KIF16B: variants seen among roughly 807,000 people sequenced by gnomAD.
KIF16B encodes kinesin-like protein KIF16B.
KIF16B carries 98 observed loss-of-function variants against 156.3 expected under a neutral mutation model. The ratio of observed to expected loss-of-function variants is 0.63; its 90% confidence interval spans 0.53 to 0.74. The LOEUF (loss-of-function observed/expected upper bound fraction) is 0.74. Among genes scored for constraint, KIF16B ranks in the 30% least tolerant of loss-of-function variants. The pLI, the probability that KIF16B is intolerant of heterozygous loss-of-function variation, is 0.00. For missense variants in KIF16B, 1,421 were observed against 1,606.5 expected (o/e 0.88, Z 1.97); for synonymous variants, 564 against 583.7 (o/e 0.97, Z 0.49).
At chr20:16,539,145 A>T (rs2070096333) in intron 1 of KIF16B, among the ~76,000 whole-genome samples, 1 of 152,122 alleles carries the variant, frequency 6.6e-6, no homozygotes, top group African/African-American at 2.4e-5. Context: ...ATTGGTACCA[A>T]GCAGTAGGGC....
intron 25 of KIF16B, among the ~76,000 whole-genome samples, chr20:16,288,805 T>A (rs1333994037): frequency 6.6e-6 from 1 of 151,890 alleles, no homozygotes; most frequent in Non-Finnish European, 1.5e-5. Flanking sequence ...GTAAACACAG[T>A]ATGTACTGGT....
At chr20:16,392,908 T>G (rs1233098297) in intron 17 of KIF16B, among the ~76,000 whole-genome samples, 1 of 152,098 alleles carries the variant, frequency 6.6e-6, no homozygotes, top group African/African-American at 2.4e-5. Context: ...AAGATTTATA[T>G]AAAGATTAAT....
At chr20:16,389,086 G>A (rs1345274600) in intron 17 of KIF16B, among the ~76,000 whole-genome samples, 1 of 152,124 alleles carries the variant, frequency 6.6e-6, no homozygotes, top group Non-Finnish European at 1.5e-5. Context: ...TCCTGGCATG[G>A]ATATTACTCT....
chr20:16,300,846 C>T (rs2063461513), intron 25 of KIF16B, among the ~76,000 whole-genome samples: 1 of 152,132 alleles, frequency 6.6e-6, no homozygotes. Flanking sequence ...ATCATTATCA[C>T]CCAAAGTCTA....
chr20:16,275,037 G>C (rs1164546494), intron 25 of KIF16B, among the ~76,000 whole-genome samples: 1 of 151,668 alleles, frequency 6.6e-6, no homozygotes, highest in Non-Finnish European at 1.5e-5. Context: ...AAGTAAAACT[G>C]GTGCATGATA....
intron 4 of KIF16B, among the ~76,000 whole-genome samples, chr20:16,514,172 A>G (rs1257640757): frequency 6.6e-6 from 1 of 152,236 alleles, no homozygotes; most frequent in African/African-American, 2.4e-5. Flanking sequence ...CTAGGGAATC[A>G]ACATACAAAT....
At chr20:16,335,266 T>TTCA in intron 24 of KIF16B, among the ~76,000 whole-genome samples, 1 of 152,344 alleles carries the variant, frequency 6.6e-6, no homozygotes, top group African/African-American at 2.4e-5. Context: ...TAAAATCATC[T>TTCA]TCATCATCAT....
intron 1 of KIF16B, among the ~76,000 whole-genome samples, chr20:16,558,618 G>T (rs952052067): frequency 3.9e-5 from 6 of 152,246 alleles, no homozygotes; most frequent in African/African-American, 1.4e-4. Context: ...AAATGTGGGG[G>T]TAGGGTGGGT....
Position 16,273,233 on chromosome 20 carries a change from T to C in KIF16B, c.*20A>G. ...CGACGAGAAGGCACTGCTGTGGTGGTTCCTCCATCACCCCTGGCTCTACCC... is the reference window on the plus strand; with the variant it reads ...CGACGAGAAGGCACTGCTGTGGTGGCTCCTCCATCACCCCTGGCTCTACCC... On this transcript the variant is annotated 3_prime_UTR_variant, in exon 26 of 26. Transcript: ENST00000354981. The C allele has an allele frequency of 1.2e-6, 2 of 1,610,190 alleles. No individual in the cohort carries two copies. Among genetic ancestry groups the C allele is most frequent in the Non-Finnish European group, 1.7e-6 (2 of 1,176,748 alleles).
At chr20:16,359,230 C>T (rs1283059943) in intron 22 of KIF16B, among the ~76,000 whole-genome samples, 1 of 152,088 alleles carries the variant, frequency 6.6e-6, no homozygotes, top group Non-Finnish European at 1.5e-5. Flanking sequence ...TGGAGGTAGG[C>T]CCCGTGGGAG....
At chr20:16,334,586 TGA>T (rs1297180848) in intron 24 of KIF16B, among the ~76,000 whole-genome samples, 1 of 152,220 alleles carries the variant, frequency 6.6e-6, no homozygotes, top group Admixed American at 6.5e-5. Flanking sequence ...AATCTCATGT[TGA>T]AATATGATCC....
At chr20:16,318,087 C>T (rs1012509157) in intron 24 of KIF16B, among the ~76,000 whole-genome samples, 1 of 151,970 alleles carries the variant, frequency 6.6e-6, no homozygotes, top group African/African-American at 2.4e-5. Flanking sequence ...GCCATAGCTG[C>T]CCTCCTCCTC....
chr20:16,327,995 T>C (rs554509141), intron 24 of KIF16B, among the ~76,000 whole-genome samples: 8 of 152,212 alleles, frequency 5.3e-5, no homozygotes, highest in Non-Finnish European at 8.8e-5. Context: ...ATTTGAATAA[T>C]AGATGGTCAA....
intron 24 of KIF16B, among the ~76,000 whole-genome samples, chr20:16,332,914 C>A (rs1047959301): frequency 6.6e-6 from 1 of 152,098 alleles, no homozygotes; most frequent in African/African-American, 2.4e-5. Flanking sequence ...AAATTAATGT[C>A]TAAAAAGAAT....
chr20:16,400,713 G>A (rs907308166), intron 17 of KIF16B, among the ~76,000 whole-genome samples: 6 of 152,178 alleles, frequency 3.9e-5, no homozygotes, highest in African/African-American at 1.4e-4. Flanking sequence ...CATGCTATAT[G>A]GTGGATGAAC....
Position 16,332,037 on chromosome 20 carries a change from T to A in KIF16B, c.3711+3889A>T, listed in dbSNP as rs777558100. 1.1e-4 allele frequency among the ~76,000 whole-genome samples: 16 copies of A among 152,158 alleles called. No individual in the cohort carries two copies. The South Asian group carries it at 3.3e-3, about 32-fold the overall frequency. On this transcript the variant is annotated intron_variant, in intron 24 of 25. Coordinates refer to ENST00000354981, the MANE Select transcript of KIF16B (RefSeq NM_024704.5). ...ATATTCAACTTAATTTTAAGCTTTA[T>A]CTTAAAAATGTTAAATGGACAATGC...
intron 3 of KIF16B, among the ~76,000 whole-genome samples, chr20:16,517,110 C>T (rs983497369): frequency 6.6e-6 from 1 of 152,214 alleles, no homozygotes; most frequent in Non-Finnish European, 1.5e-5. Flanking sequence ...CCTCAACCAT[C>T]CCTGCTGATA....
rs1408057475 is a variant in KIF16B, at chr20:16,429,963, C to G, written c.1322G>C (p.Arg441Thr). 1 of 1,611,678 alleles carries G rather than the reference C, an allele frequency of 6.2e-7. No individual in the cohort carries two copies. Among genetic ancestry groups the G allele is most frequent in the Non-Finnish European group, 8.5e-7 (1 of 1,178,994 alleles). Residue 441 changes from arginine (R) to threonine (T), a missense_variant, in exon 13 of 26, where the codon AGG becomes ACG. Coordinates refer to ENST00000354981, the MANE Select transcript of KIF16B (RefSeq NM_024704.5). ...NILKEQTLAL[R>T]KEGIGVVLDS... Reference sequence around the variant, plus strand: ...CAAAACAACTCCAATCCCTTCTTTCCTGAGGGCTAGAGTTTGTTCCTGAAA... The same window carrying G: ...CAAAACAACTCCAATCCCTTCTTTCGTGAGGGCTAGAGTTTGTTCCTGAAA...
At chr20:16,568,819 CAAAAAAAAAAAAAAAAAAAAA>C (rs57421025) in intron 1 of KIF16B, among the ~76,000 whole-genome samples, 1 of 55,484 alleles carries the variant, frequency 1.8e-5, no homozygotes, top group Admixed American at 2.4e-4. Context: ...GACCCTGTCT[CAAAAAAAAAAAAAAAAAAAAA>C]AAAAAAAAAA....
Sources: allele counts gnomAD v4.1 joint callset (sites outside exome capture counted in the v4.1 genomes callset), GRCh38; gene constraint gnomAD v4.1.1; transcripts MANE v1.5; gene names NCBI Gene and HGNC (gene_info 2026-07-23, HGNC 2026-07-21).